APBA2: variants seen among roughly 807,000 people sequenced by gnomAD.
The protein encoded by APBA2 is amyloid beta precursor protein binding family A member 2.
Under a neutral mutation model 75.0 loss-of-function variants are expected in APBA2, and 30 were observed. The observed-to-expected ratio is 0.40, with a 90% CI of 0.30 to 0.54. The LOEUF is 0.54. APBA2 is among the 20% of genes least tolerant of loss of function. The pLI, the probability that APBA2 is intolerant of heterozygous loss-of-function variation, is 0.49. For synonymous variants in APBA2, 444 were observed against 409.6 expected, an observed-to-expected ratio of 1.08 and a Z score of -1.01; for missense variants, 801 against 1,016.1, an observed-to-expected ratio of 0.79 and a Z score of 2.88.
chr15:29,078,493 C>G (rs1341724385), intron 6 of APBA2, among the ~76,000 whole-genome samples: 1 of 149,954 alleles, frequency 6.7e-6, no homozygotes, highest in Non-Finnish European at 1.5e-5. Flanking sequence ...TGCCTGTAGT[C>G]CCAGCTACTT....
At chr15:29,111,275 A>C (rs1046889296) in intron 13 of APBA2, among the ~76,000 whole-genome samples, 1 of 152,030 alleles carries the variant, frequency 6.6e-6, no homozygotes, top group Non-Finnish European at 1.5e-5. Flanking sequence ...TGGAGGTCCC[A>C]GCCCTGCTTG....
intron 2 of APBA2, among the ~76,000 whole-genome samples, chr15:28,924,357 G>T (rs557939855): frequency 3.0e-4 from 45 of 152,120 alleles, no homozygotes; most frequent in Non-Finnish European, 4.3e-4. Context: ...CACTATCTGT[G>T]TCTAGTTCCA....
At chr15:29,047,171 G>A (rs2041377076) in intron 3 of APBA2, among the ~76,000 whole-genome samples, 1 of 152,290 alleles carries the variant, frequency 6.6e-6, no homozygotes, top group African/African-American at 2.4e-5. Context: ...TAACAGGCGG[G>A]CTCTTTGTCT....
intron 3 of APBA2, among the ~76,000 whole-genome samples, chr15:29,036,407 G>A (rs190870293): frequency 9.9e-4 from 150 of 152,242 alleles, no homozygotes; most frequent in Non-Finnish European, 2.0e-3. Context: ...TCACTTCAAA[G>A]CGAGCCTCAC....
chr15:28,983,645 C>T (rs902698707), intron 2 of APBA2, among the ~76,000 whole-genome samples: 4 of 152,310 alleles, frequency 2.6e-5, no homozygotes, highest in South Asian at 2.1e-4. Context: ...ACCCACCTCG[C>T]GGTGTAGGAG....
rs116943354 is a variant in APBA2, at chr15:29,036,722, A to G, written c.-40-17123A>G. Among the ~76,000 whole-genome samples the G allele has an allele frequency of 6.2e-3, 950 of 152,274 alleles. 4 individuals carry two copies. Among genetic ancestry groups the G allele is most frequent in the Non-Finnish European group, 0.012 (801 of 68,022 alleles). ...CTTACAGTGGTAACATTTGTTTAGG[A>G]GTTGTGCAGTAAGTAGACCAGGCAT... is the stretch of plus-strand genomic sequence containing the variant. On this transcript the variant is annotated intron_variant, in intron 3 of 14. Transcript: ENST00000683413.
chr15:29,108,196 G>A, intron 12 of APBA2, 74 bp from the exon 13 acceptor site: 1 of 1,605,878 alleles, frequency 6.2e-7, no homozygotes, highest in Non-Finnish European at 8.5e-7. Flanking sequence ...CCACCACCCT[G>A]CCAGCCTCGC....
chr15:28,914,370 G>A (rs1393337943), intron 1 of APBA2, among the ~76,000 whole-genome samples: 29 of 152,210 alleles, frequency 1.9e-4, no homozygotes, highest in Non-Finnish European at 4.1e-4. Flanking sequence ...CAAAAATACT[G>A]TCTATTTGAC....
At chr15:29,058,894 GA>G (rs2152898104) in intron 4 of APBA2, among the ~76,000 whole-genome samples, 1 of 151,996 alleles carries the variant, frequency 6.6e-6, no homozygotes, top group Admixed American at 6.5e-5. Flanking sequence ...TCAAATCAAA[GA>G]GACAAACCTA....
At chr15:29,019,393 A>G (rs1843774693) in intron 3 of APBA2, among the ~76,000 whole-genome samples, 1 of 152,252 alleles carries the variant, frequency 6.6e-6, no homozygotes, top group Non-Finnish European at 1.5e-5. Context: ...AGAATTGTGC[A>G]ACACAGGAGT....
intron 6 of APBA2, among the ~76,000 whole-genome samples, chr15:29,081,256 G>T (rs1037929500): frequency 6.6e-6 from 1 of 152,178 alleles, no homozygotes; most frequent in Non-Finnish European, 1.5e-5. Context: ...CCTCTTTGGT[G>T]TATTTGGGTG....
At chr15:29,105,936 C>T (rs2044380554) in intron 11 of APBA2, among the ~76,000 whole-genome samples, 1 of 152,368 alleles carries the variant, frequency 6.6e-6, no homozygotes. Context: ...TAGCTGGTCC[C>T]AGTGGCTTCC....
chr15:29,098,638 C>A, intron 9 of APBA2, 62 bp downstream of exon 9: 1 of 1,355,286 alleles, frequency 7.4e-7, no homozygotes, highest in Non-Finnish European at 1.1e-6. Context: ...CCTTCTTGTC[C>A]CATGGTATAG....
chr15:29,113,740 G>T (rs746518777), intron 13 of APBA2, 136 bp from the exon 14 acceptor site: 140 of 1,089,820 alleles, frequency 1.3e-4, no homozygotes, highest in Non-Finnish European at 5.0e-5. Context: ...ATCTCTGTCT[G>T]TGAGTCAGCG....
chr15:29,101,617 G>T lies in APBA2; in HGVS notation c.1357G>T (p.Ala453Ser). 6.2e-7 allele frequency: 1 copy of T among 1,613,494 alleles called. No individual in the cohort carries two copies. Among genetic ancestry groups the T allele is most frequent in the South Asian group, 1.1e-5 (1 of 90,998 alleles). ...CCGACAGGAAACCATGATGGACCAC[G>T]CCTTGCGTACCATCTCCTACATCGC... ...ADTQETMMDH[A>S]LRTISYIADI... Residue 453 changes from alanine (A) to serine (S), a missense_variant, in exon 10 of 15, where the codon GCC becomes TCC. This residue lies in a region of APBA2 where 367 missense variants were observed against 544.5 expected (regional missense o/e 0.67). Transcript: ENST00000683413.
At chr15:28,948,509 C>T (rs570518192) in intron 2 of APBA2, among the ~76,000 whole-genome samples, 23 of 152,134 alleles carry the variant, frequency 1.5e-4, no homozygotes, top group Non-Finnish European at 2.8e-4. Context: ...GATGGGGACA[C>T]GCCTGTTGGA....
chr15:28,886,732 C>G (rs1485121838), intron 1 of APBA2, among the ~76,000 whole-genome samples: 1 of 152,186 alleles, frequency 6.6e-6, no homozygotes, highest in Admixed American at 6.5e-5. Context: ...CCCAGAGAAC[C>G]CAAGCCCAGA....
At chr15:29,024,449 G>A (rs1485430539) in intron 3 of APBA2, among the ~76,000 whole-genome samples, 1 of 152,058 alleles carries the variant, frequency 6.6e-6, no homozygotes, top group Admixed American at 6.5e-5. Context: ...CAGCACTGTG[G>A]GCCCTGATGT....
At chr15:29,013,580 C>G (rs779626734) in intron 3 of APBA2, among the ~76,000 whole-genome samples, 1 of 152,184 alleles carries the variant, frequency 6.6e-6, no homozygotes, top group South Asian at 2.1e-4. Flanking sequence ...CGCCCCCGGC[C>G]GAAAATGAGT....
Sources: allele counts gnomAD v4.1 joint callset (sites outside exome capture counted in the v4.1 genomes callset), GRCh38; gene constraint gnomAD v4.1.1; regional missense constraint gnomAD v4.1.1; transcripts MANE v1.5; gene names NCBI Gene and HGNC (gene_info 2026-07-23, HGNC 2026-07-21).